DOCK4: variants seen among roughly 807,000 people sequenced by gnomAD.
The protein encoded by DOCK4 is dedicator of cytokinesis protein 4.
A neutral mutation model predicts 268.1 loss-of-function variants in DOCK4; 97 were observed. That is an observed-to-expected ratio of 0.36 (90% CI 0.31 to 0.43). DOCK4 has a LOEUF of 0.43. Ranked by LOEUF, DOCK4 falls within the 20% of genes least tolerant of loss-of-function variation. DOCK4 has a pLI of 1.00. For synonymous variants in DOCK4, 954 were observed against 887.2 expected, an observed-to-expected ratio of 1.08 and a Z score of -1.34; for missense variants, 2,145 against 2,455.7, an observed-to-expected ratio of 0.87 and a Z score of 2.67.
At chr7:111,839,374 C>T (rs1007984150) in intron 25 of DOCK4, among the ~76,000 whole-genome samples, 2 of 152,122 alleles carry the variant, frequency 1.3e-5, no homozygotes, top group Admixed American at 6.5e-5. Context: ...GTCTCCATTA[C>T]AGCTACTAGA....
intron 37 of DOCK4, among the ~76,000 whole-genome samples, chr7:111,768,418 C>T (rs1179210489): frequency 6.6e-6 from 1 of 152,192 alleles, no homozygotes; most frequent in East Asian, 1.9e-4. Context: ...TTCCTTGCAT[C>T]AAATTTTTAC....
intron 1 of DOCK4, among the ~76,000 whole-genome samples, chr7:112,201,769 C>T (rs1194112943): frequency 1.3e-5 from 2 of 152,022 alleles, no homozygotes; most frequent in Non-Finnish European, 2.9e-5. Flanking sequence ...CCATTCTGTG[C>T]GATAGATCAC....
At chr7:112,003,695 T>C (rs1800625987) in intron 2 of DOCK4, among the ~76,000 whole-genome samples, 1 of 152,166 alleles carries the variant, frequency 6.6e-6, no homozygotes, top group Admixed American at 6.5e-5. Flanking sequence ...AGGTAAGCCA[T>C]GTCTGCTCTG....
At chr7:112,105,590 A>G (rs1811068079) in intron 1 of DOCK4, among the ~76,000 whole-genome samples, 1 of 150,698 alleles carries the variant, frequency 6.6e-6, no homozygotes, top group Non-Finnish European at 1.5e-5. Context: ...AAATTCTTAT[A>G]AAAGGTTTCT....
intron 11 of DOCK4, 106 bp from the exon 12 acceptor site, chr7:111,935,734 C>G: frequency 1.1e-6 from 1 of 919,172 alleles, no homozygotes; most frequent in Non-Finnish European, 1.7e-6. Context: ...AATGTACCTC[C>G]TTGAGGTCCC....
In DOCK4 at chr7:111,728,664, G is replaced by C; in HGVS notation, c.5538C>G (p.Ile1846Met). Residue 1846 changes from isoleucine to methionine, a missense_variant, in exon 53 of 53, where the codon ATC becomes ATG. Ile to Met is a conservative substitution (Grantham distance 10). Coordinates refer to ENST00000428084, the MANE Select transcript of DOCK4 (RefSeq NM_001363540.2). Reference protein sequence around the residue: ...SPVEYHSPGLISNSPVLSGSY... With the variant: ...SPVEYHSPGLMSNSPVLSGSY... ...TGCCCGACAAGACAGGGGAGTTGGA[G>C]ATGAGTCCTGGCGAGTGGTACTCCA... 6.2e-7 allele frequency: 1 copy of C among 1,614,002 alleles called. No individual in the cohort carries two copies. The highest frequency in any genetic ancestry group is 1.1e-5 in the South Asian group (1 of 91,080).
At chr7:112,092,839 G>A (rs1419038730) in intron 1 of DOCK4, among the ~76,000 whole-genome samples, 1 of 151,960 alleles carries the variant, frequency 6.6e-6, no homozygotes, top group East Asian at 1.9e-4. Context: ...ACAGACAGCA[G>A]GCTCTGGGCA....
At chr7:112,058,966 T>G (rs372482544) in intron 1 of DOCK4, among the ~76,000 whole-genome samples, 1 of 152,280 alleles carries the variant, frequency 6.6e-6, no homozygotes, top group East Asian at 1.9e-4. Context: ...TAAACTCAAC[T>G]CTAAGGACAT....
At chr7:112,124,521 T>C (rs1813041067) in intron 1 of DOCK4, among the ~76,000 whole-genome samples, 1 of 152,220 alleles carries the variant, frequency 6.6e-6, no homozygotes, top group African/African-American at 2.4e-5. Context: ...CAAGTTCTTT[T>C]TCTCCTTCCT....
At chr7:111,889,671 G>A (rs1808134578) in intron 16 of DOCK4, among the ~76,000 whole-genome samples, 1 of 152,144 alleles carries the variant, frequency 6.6e-6, no homozygotes, top group South Asian at 2.1e-4. Flanking sequence ...AGAGAAAAAT[G>A]TGGGCCACAA....
Position 112,152,842 on chromosome 7 carries a change from G to A in DOCK4, c.37+53260C>T, listed in dbSNP as rs141782167. 4.3e-3 allele frequency among the ~76,000 whole-genome samples: 657 copies of A among 151,988 alleles called. 1 individual carries two copies. Among genetic ancestry groups the A allele is most frequent in the South Asian group, 8.5e-3 (41 of 4,810 alleles). On this transcript the variant is annotated intron_variant, in intron 1 of 52. Transcript: ENST00000428084. ...ATTTACACACACTAAGCCAACAAACGTACCTTAAGTAGTAAAATGTGAAAA... is the reference window on the plus strand; with the variant it reads ...ATTTACACACACTAAGCCAACAAACATACCTTAAGTAGTAAAATGTGAAAA...
intron 16 of DOCK4, among the ~76,000 whole-genome samples, chr7:111,887,744 G>A (rs1438211592): frequency 6.9e-6 from 1 of 144,880 alleles, no homozygotes; most frequent in Non-Finnish European, 1.5e-5. Context: ...GAAGGAACAT[G>A]GTGCCTATTT....
intron 1 of DOCK4, among the ~76,000 whole-genome samples, chr7:112,166,464 C>T (rs1008276723): frequency 6.6e-6 from 1 of 152,152 alleles, no homozygotes; most frequent in Non-Finnish European, 1.5e-5. Context: ...TGTGTATGTG[C>T]GTACGTTATT....
At chr7:111,897,679 C>T (rs1808873701) in intron 15 of DOCK4, among the ~76,000 whole-genome samples, 1 of 152,136 alleles carries the variant, frequency 6.6e-6, no homozygotes, top group African/African-American at 2.4e-5. Context: ...TCCTCCCCAC[C>T]CCCCAGTGCT....
At chr7:112,166,446 C>T (rs1283394723) in intron 1 of DOCK4, among the ~76,000 whole-genome samples, 1 of 152,160 alleles carries the variant, frequency 6.6e-6, no homozygotes, top group African/African-American at 2.4e-5. Context: ...ATTCTCATTA[C>T]TATTTTGTGT....
intron 12 of DOCK4, among the ~76,000 whole-genome samples, chr7:111,932,138 C>T (rs540160969): frequency 6.6e-6 from 1 of 152,218 alleles, no homozygotes; most frequent in South Asian, 2.1e-4. Context: ...AGAGTTTGGA[C>T]AATTATATAT....
At chr7:111,877,377 T>G (rs1465832827) in intron 16 of DOCK4, among the ~76,000 whole-genome samples, 191 bp from the exon 17 acceptor site, 1 of 152,228 alleles carries the variant, frequency 6.6e-6, no homozygotes, top group Non-Finnish European at 1.5e-5. Flanking sequence ...GGACTAAGAT[T>G]AATTTGAGTT....
At chr7:111,999,496 T>C (rs1187976474) in intron 3 of DOCK4, among the ~76,000 whole-genome samples, 1 of 152,036 alleles carries the variant, frequency 6.6e-6, no homozygotes, top group Non-Finnish European at 1.5e-5. Flanking sequence ...AGTTTCCTTC[T>C]CAAATATGGT....
intron 23 of DOCK4, 117 bp from the exon 24 acceptor site, chr7:111,847,243 A>G (rs1804179703): frequency 3.9e-6 from 5 of 1,267,828 alleles, no homozygotes; most frequent in Non-Finnish European, 4.3e-6. Flanking sequence ...ACATGTAGTT[A>G]CAAAGGTATT....
Sources: gnomAD v4.1 joint callset for allele counts (sites outside exome capture counted in the v4.1 genomes callset) on GRCh38, gnomAD v4.1.1 for gene constraint, MANE v1.5 for transcripts, NCBI Gene and HGNC (gene_info 2026-07-23, HGNC 2026-07-21) for gene names.